The following SPEG variants were observed in gnomAD, a reference collection of about 807,000 sequenced individuals.
SPEG encodes the protein striated muscle enriched protein kinase.
A neutral mutation model predicts 300.4 loss-of-function variants in SPEG; 114 were observed. The ratio of observed to expected loss-of-function variants is 0.38; its 90% CI spans 0.33 to 0.44. The LOEUF (loss-of-function observed/expected upper bound fraction) is 0.44. Among genes scored for constraint, SPEG ranks in the 20% least tolerant of loss-of-function variants. The pLI, the probability that SPEG is intolerant of heterozygous loss-of-function variation, is 1.00. For missense variants in SPEG, 4,201 were observed against 4,586.2 expected (o/e 0.92, Z 2.43); for synonymous variants, 1,964 against 2,018.9 (o/e 0.97, Z 0.73).
rs1017347984 is a variant in SPEG, at chr2:219,459,467, G to A, written c.2441-2415G>A. 2.6e-5 allele frequency among the ~76,000 whole-genome samples: 4 copies of A among 152,204 alleles called. No homozygotes were observed. The highest frequency in any genetic ancestry group is 5.9e-5 in the Non-Finnish European group (4 of 68,022). On this transcript the variant is annotated intron_variant, in intron 6 of 40. Coordinates refer to ENST00000312358, the MANE Select transcript of SPEG (RefSeq NM_005876.5). The surrounding 1 kb of genome is among the most constrained non-coding windows in gnomAD (Gnocchi z 4.9). ...GAGGTATGGAGGGGCAGAGGCTACT[G>A]CCTTGTCTGGAAGAGGCCTGGGCTG... is the stretch of plus-strand genomic sequence containing the variant.
Position 219,459,275 on chromosome 2 carries a change from G to C in SPEG, c.2441-2607G>C, listed in dbSNP as rs1690447616. ...CCTCCTTCCTGGCTGGTGTAACTGT[G>C]TTTGCCACAGTGAGAGTTGGGCTTG... On this transcript the variant is annotated intron_variant, in intron 6 of 40. Coordinates refer to ENST00000312358, the MANE Select transcript of SPEG (RefSeq NM_005876.5). This position sits in a 1 kb window ranked among gnomAD's most constrained non-coding sequence, Gnocchi z 4.9. Among the ~76,000 whole-genome samples, 1 of 152,214 alleles carries C rather than the reference G, an allele frequency of 6.6e-6. No individual in the cohort carries two copies. The highest frequency in any genetic ancestry group is 1.5e-5 in the Non-Finnish European group (1 of 68,024).
Position 219,484,948 on chromosome 2 carries a change from G to T in SPEG, c.7485G>T (p.Thr2495=), listed in dbSNP as rs749737676. Residue 2495 remains threonine, a synonymous_variant, in exon 30 of 41, where the codon ACG becomes ACT. Coordinates refer to ENST00000312358, the MANE Select transcript of SPEG (RefSeq NM_005876.5). The stretch of plus-strand genomic sequence containing the variant: ...TGTTCGGACGGCTTCGCAGGGCCAC[G>T]TCCGAGGGCGAGAGTCTGCGGCGCC... The part of the protein sequence containing the change: ...TPLFGRLRRA[T]SEGESLRRLG... 1 of 1,529,562 alleles carries T rather than the reference G, an allele frequency of 6.5e-7. No individual in the cohort carries two copies. Among genetic ancestry groups the T allele is most frequent in the South Asian group, 1.2e-5 (1 of 83,760 alleles). The allele number at this position is 1,529,562 out of a possible 1,614,324, so 94.7% of individuals were successfully genotyped here.
intron 1 of SPEG, chr2:219,441,445 C>A: frequency 2.2e-6 from 1 of 463,196 alleles, no homozygotes; most frequent in South Asian, 1.6e-5. Context: ...CCGCCAGGAC[C>A]CTTGCCCTGC....
At chr2:219,466,139 C>A (rs1691329179) in intron 9 of SPEG, 1 of 1,549,152 alleles carries the variant, frequency 6.5e-7, no homozygotes, top group Non-Finnish European at 8.7e-7. Flanking sequence ...TCGGACCTCG[C>A]TGTGTTTCAC....
At position 219,489,045 on chromosome 2, in the gene SPEG, T is replaced by C. The variant is rs1693718806; in HGVS notation, c.8150-9T>C. 1.2e-6 allele frequency: 2 copies of C among 1,613,266 alleles called. No homozygotes were observed. Among genetic ancestry groups the C allele is most frequent in the East Asian group, 2.2e-5 (1 of 44,854 alleles). Reference sequence around the variant, plus strand: ...TGTGACCTCAGCCCCTCCCCCATACTGCCTATAGGGGAGTCTGTGTGGCAC... The same window carrying C: ...TGTGACCTCAGCCCCTCCCCCATACCGCCTATAGGGGAGTCTGTGTGGCAC... On this transcript the variant is annotated splice_polypyrimidine_tract_variant and intron_variant, in intron 34 of 40. Coordinates refer to ENST00000312358, the MANE Select transcript of SPEG (RefSeq NM_005876.5).
At position 219,489,689 on chromosome 2, in the gene SPEG, G is replaced by A. The variant is rs778328963; in HGVS notation, c.8671G>A (p.Val2891Ile). Reference sequence around the variant, plus strand: ...GATCCCAGCCTCCACTCCTCAAGGGGTTAAACCAGTGTCTTCCTCTACTCC... The same window carrying A: ...GATCCCAGCCTCCACTCCTCAAGGGATTAAACCAGTGTCTTCCTCTACTCC... ...TPIPASTPQG[V>I]KPVSSSTPVY... Residue 2891 changes from valine to isoleucine, a missense_variant, in exon 36 of 41, where the codon GTT (valine) becomes ATT (isoleucine). By Grantham distance (29) the Val-to-Ile change is conservative. This residue lies in a region of SPEG where 1,578 missense variants were observed against 1,506.0 expected (regional missense o/e 1.05). Coordinates refer to ENST00000312358, the MANE Select transcript of SPEG (RefSeq NM_005876.5). The A allele has an allele frequency of 2.5e-6, 4 of 1,614,108 alleles. No homozygotes were observed. In the South Asian group the frequency reaches 4.4e-5, roughly 18 times the overall value.
At position 219,439,783 on chromosome 2, in the gene SPEG, C is replaced by T. The variant is rs771524408; in HGVS notation, c.388+4418C>T. Among the ~76,000 whole-genome samples the T allele has an allele frequency of 1.3e-4, 20 of 152,164 alleles. No homozygotes were observed. The highest frequency in any genetic ancestry group is 3.4e-4 in the African/African-American group (14 of 41,434). Reference sequence around the variant, plus strand: ...GCCCAGCTGTCCCGTCACTCACGCCCGCTGCCCATTGGTTATTTTTGCTAC... The same window carrying T: ...GCCCAGCTGTCCCGTCACTCACGCCTGCTGCCCATTGGTTATTTTTGCTAC... On this transcript the variant is annotated intron_variant, in intron 1 of 40. Transcript: ENST00000312358. This position sits in a 1 kb window ranked among gnomAD's most constrained non-coding sequence, Gnocchi z 4.5.
At chr2:219,438,687 C>G (rs983795186) in intron 1 of SPEG, among the ~76,000 whole-genome samples, 5 of 152,128 alleles carry the variant, frequency 3.3e-5, no homozygotes, top group African/African-American at 1.2e-4. Context: ...AAGGCACAGC[C>G]GAGAGAAGAG....
In SPEG at chr2:219,459,953, G is replaced by C. The variant is rs1256844457; in HGVS notation, c.2441-1929G>C. ...GGGTTGCGGGGTGAGGTGATAGGAAGAGGGAGAAGGACATGTGACCCCTGC... is the reference window on the plus strand; with the variant it reads ...GGGTTGCGGGGTGAGGTGATAGGAACAGGGAGAAGGACATGTGACCCCTGC... On this transcript the variant is annotated intron_variant, in intron 6 of 40. Coordinates refer to ENST00000312358, the MANE Select transcript of SPEG (RefSeq NM_005876.5). The surrounding 1 kb of genome is among the most constrained non-coding windows in gnomAD (Gnocchi z 4.9). Among the ~76,000 whole-genome samples the C allele has an allele frequency of 6.6e-6, 1 of 152,238 alleles. No homozygotes were observed. The highest frequency in any genetic ancestry group is 1.5e-5 in the Non-Finnish European group (1 of 68,032).
chr2:219,462,047 C>T lies in SPEG; in HGVS notation c.2606C>T (p.Pro869Leu). The part of the protein sequence containing the change: ...RSSDTGSKAP[P>L]TFKVSLMDQS... ...TCTGACACTGGCTCCAAGGCACCCC[C>T]CACCTTCAAGGTCAGACCCCTGAGG... The change falls in exon 7 of 41, where the codon CCC (proline) becomes CTC (leucine). Residue 869 changes from proline to leucine, a missense_variant. By Grantham distance (98) the Pro-to-Leu change is moderately conservative. Around this residue, in one of 4 missense-constraint regions of SPEG, gnomAD observed 1,047 missense variants for 1,356.8 expected, o/e 0.77. Coordinates refer to ENST00000312358, the MANE Select transcript of SPEG (RefSeq NM_005876.5). The T allele has an allele frequency of 6.2e-7, 1 of 1,604,714 alleles. No homozygotes were observed. Among genetic ancestry groups the T allele is most frequent in the Non-Finnish European group, 8.5e-7 (1 of 1,176,996 alleles).
chr2:219,484,766 G>C lies in SPEG; in HGVS notation c.7303G>C (p.Asp2435His). 1.4e-6 allele frequency: 2 copies of C among 1,465,440 alleles called. No homozygotes were observed. Among genetic ancestry groups the C allele is most frequent in the African/African-American group, 1.5e-5 (1 of 67,596 alleles). 90.8% of individuals were successfully genotyped at this position (1,465,440 alleles called of 1,614,324 possible). ...RHPAWEARGG[D>H]GESSEGGSSA... ...CCCGGCCTGGGAGGCCCGCGGCGGG[G>C]ACGGAGAGAGCTCGGAGGGCGGGAG... is the stretch of plus-strand genomic sequence containing the variant. The change falls in exon 30 of 41, where the codon GAC (aspartate) becomes CAC (histidine). Residue 2435 changes from aspartate to histidine, a missense_variant. Physicochemically the swap from Asp to His is moderately conservative, Grantham distance 81 (BLOSUM62 -1). Transcript: ENST00000312358.
Position 219,480,590 on chromosome 2 carries a change from C to A in SPEG, c.5343-81C>A. The A allele has an allele frequency of 7.0e-7, 1 of 1,438,022 alleles. No individual in the cohort carries two copies. Among genetic ancestry groups the A allele is most frequent in the South Asian group, 1.1e-5 (1 of 87,266 alleles). The allele number at this position is 1,438,022 out of a possible 1,614,324, so 89.1% of individuals were successfully genotyped here. A position where few individuals can be genotyped will look rare whatever the true frequency, so the allele number is the denominator to read the frequency against. ...GTTCCCAGGGAGGTAACAGCTCACT[C>A]AGGTCAGCAGTAGCAAAGAACTGCT... is the stretch of plus-strand genomic sequence containing the variant. On this transcript the variant is annotated intron_variant, in intron 25 of 40. Coordinates refer to ENST00000312358, the MANE Select transcript of SPEG (RefSeq NM_005876.5). The surrounding 1 kb of genome is among the most constrained non-coding windows in gnomAD (Gnocchi z 5.3).
Position 219,444,593 on chromosome 2 carries a change from A to C in SPEG, c.389-60A>C. On this transcript the variant is annotated intron_variant, in intron 1 of 40. Coordinates refer to ENST00000312358, the MANE Select transcript of SPEG (RefSeq NM_005876.5). The surrounding 1 kb of genome is among the most constrained non-coding windows in gnomAD (Gnocchi z 7.8). ...TGTTGGCAGGGAGGCAGAAGGCAAT[A>C]GGGAAGAGTTGGAGGCAGAGGGAGG... 1 of 1,429,186 alleles carries C rather than the reference A, an allele frequency of 7.0e-7. No homozygotes were observed. Among genetic ancestry groups the C allele is most frequent in the East Asian group, 2.3e-5 (1 of 43,778 alleles). The allele number at this position is 1,429,186 out of a possible 1,614,324, so 88.5% of individuals were successfully genotyped here. A position where few individuals can be genotyped will look rare whatever the true frequency, so the allele number is the denominator to read the frequency against.
Position 219,492,888 on chromosome 2 carries a change from G to C in SPEG, c.*102G>C, listed in dbSNP as rs1275796881. On this transcript the variant is annotated 3_prime_UTR_variant, in exon 41 of 41. Coordinates refer to ENST00000312358, the MANE Select transcript of SPEG (RefSeq NM_005876.5). ...TGAGCCAGGCGGGCCTGGGGCTTCG[G>C]TTACCACCAGCAGCAACATCTGGCT... 9 of 1,184,356 alleles carry C rather than the reference G, an allele frequency of 7.6e-6. No homozygotes were observed. Among genetic ancestry groups the C allele is most frequent in the Non-Finnish European group, 1.1e-5 (9 of 827,688 alleles). 73.4% of individuals were successfully genotyped at this position (1,184,356 alleles called of 1,614,324 possible). A position where few individuals can be genotyped will look rare whatever the true frequency, so the allele number is the denominator to read the frequency against.
At chr2:219,474,795 CTTTT>C (rs34814828) in intron 18 of SPEG, among the ~76,000 whole-genome samples, 32 of 110,352 alleles carry the variant, frequency 2.9e-4, no homozygotes, top group Admixed American at 3.7e-4. Flanking sequence ...AGCAAGGATT[CTTTT>C]TTTTTTTTTT....
At chr2:219,471,603 TAA>T (rs1162667688) in intron 13 of SPEG, 7 of 502,254 alleles carry the variant, frequency 1.4e-5, no homozygotes, top group Non-Finnish European at 2.2e-5. Context: ...GAGAAGATGA[TAA>T]GTTGCCTGGC....
chr2:219,443,081 C>A lies in SPEG; in HGVS notation c.389-1572C>A. 1 of 1,608,390 alleles carries A rather than the reference C, an allele frequency of 6.2e-7. No individual in the cohort carries two copies. Among genetic ancestry groups the A allele is most frequent in the Non-Finnish European group, 8.5e-7 (1 of 1,176,986 alleles). On this transcript the variant is annotated intron_variant, in intron 1 of 40. Transcript: ENST00000312358. This position sits in a 1 kb window ranked among gnomAD's most constrained non-coding sequence, Gnocchi z 4.6. ...CCTTAGGAACAAGCCTCCCCCTCAA[C>A]TACTCATTCTGGCTTTTCTCTTTCA...
chr2:219,489,078 G>A lies in SPEG; in HGVS notation c.8174G>A (p.Ser2725Asn), dbSNP rs1693721172. 1.2e-6 allele frequency: 2 copies of A among 1,613,894 alleles called. No individual in the cohort carries two copies. The highest frequency in any genetic ancestry group is 8.5e-7 in the Non-Finnish European group (1 of 1,179,946). ...VDGESVWHPV[S>N]SGIPDCYYNV... is the part of the protein sequence containing the mutation. ...GGGGAGTCTGTGTGGCACCCTGTGA[G>A]CTCAGGCATCCCCGACTGTTACTAC... The change falls in exon 35 of 41, where the codon AGC becomes AAC. Residue 2725 changes from serine to asparagine, a missense_variant. Around this residue, in one of 4 missense-constraint regions of SPEG, gnomAD observed 1,578 missense variants for 1,506.0 expected, o/e 1.05. Coordinates refer to ENST00000312358, the MANE Select transcript of SPEG (RefSeq NM_005876.5).
rs1293931018 is a variant in SPEG, at chr2:219,434,887, GC to G, written c.-85del. ...CGGGCAGCAGGAAGGCAGGCCGCCG[GC>G]CCCCCAGACTTGTCTCCTAGGGCAC... On this transcript the variant is annotated 5_prime_UTR_variant, in exon 1 of 41. Transcript: ENST00000312358. 29 of 852,490 alleles carry G rather than the reference GC, an allele frequency of 3.4e-5. No individual in the cohort carries two copies. Among genetic ancestry groups the G allele is most frequent in the Non-Finnish European group, 4.9e-5 (29 of 592,440 alleles). 52.8% of individuals were successfully genotyped at this position (852,490 alleles called of 1,614,324 possible).
Sources: gnomAD v4.1 joint callset for allele counts (sites outside exome capture counted in the v4.1 genomes callset) on GRCh38, gnomAD v4.1.1 for gene constraint, gnomAD v4.1.1 regional missense constraint, Gnocchi (gnomAD v3.1) non-coding constraint, MANE v1.5 for transcripts, NCBI Gene and HGNC (gene_info 2026-07-23, HGNC 2026-07-21) for gene names.